Variants in SPON1 observed in about 807,000 individuals in gnomAD.
The protein encoded by SPON1 is spondin-1.
SPON1 carries 52 observed loss-of-function variants against 111.7 expected under a neutral mutation model. That is an observed-to-expected ratio of 0.47 (90% confidence interval 0.37 to 0.59). The LOEUF is 0.59. Ranked by LOEUF, SPON1 falls within the 20% of genes least tolerant of loss-of-function variation. The probability of loss-of-function intolerance (pLI) is 0.00; values close to 1 mark genes in which losing one functional copy is unlikely to be tolerated. For missense variants in SPON1, 957 were observed against 1,068.5 expected, an observed-to-expected ratio of 0.90 and a Z score of 1.46; for synonymous variants, 410 against 395.8, an observed-to-expected ratio of 1.04 and a Z score of -0.43.
intron 1 of SPON1, among the ~76,000 whole-genome samples, 154 bp from the exon 2 acceptor site, chr11:13,982,693 G>GA (rs1848153442): frequency 6.6e-6 from 1 of 152,208 alleles, no homozygotes; most frequent in Admixed American, 6.5e-5. Flanking sequence ...GAGGGTAAGA[G>GA]TTCTCACCTC....
intron 3 of SPON1, among the ~76,000 whole-genome samples, chr11:14,060,105 C>G (rs1400560003): frequency 1.3e-5 from 2 of 152,150 alleles, no homozygotes; most frequent in East Asian, 1.9e-4. Flanking sequence ...CTCTACCCCC[C>G]CAACTACTTT....
intron 2 of SPON1, among the ~76,000 whole-genome samples, chr11:14,008,890 C>T (rs574197497): frequency 2.6e-5 from 4 of 152,310 alleles, no homozygotes; most frequent in African/African-American, 9.6e-5. Flanking sequence ...AATTCCACCC[C>T]CTGGCCAATC....
intron 7 of SPON1, among the ~76,000 whole-genome samples, chr11:14,246,535 G>A (rs797030697): frequency 5.9e-5 from 9 of 152,200 alleles, no homozygotes; most frequent in African/African-American, 2.2e-4. Flanking sequence ...ATATATACCT[G>A]CCAATGAGCC....
intron 6 of SPON1, among the ~76,000 whole-genome samples, chr11:14,172,548 G>T (rs564149033): frequency 6.6e-6 from 1 of 152,028 alleles, no homozygotes; most frequent in Admixed American, 6.6e-5. Flanking sequence ...ATGTTAGCTG[G>T]TTATTTTGCT....
intron 6 of SPON1, among the ~76,000 whole-genome samples, chr11:14,242,683 A>C (rs1554939808): frequency 6.6e-6 from 1 of 152,214 alleles, no homozygotes; most frequent in African/African-American, 2.4e-5. Context: ...TCAAAATGTT[A>C]ATTATCAAAT....
intron 6 of SPON1, among the ~76,000 whole-genome samples, chr11:14,160,729 A>T (rs868955598): frequency 2.5e-4 from 3 of 12,238 alleles, no homozygotes; most frequent in African/African-American, 1.8e-3. Flanking sequence ...TTATATATTT[A>T]TATATATTTA....
chr11:14,034,786 A>G (rs933832540), intron 2 of SPON1, among the ~76,000 whole-genome samples: 11 of 152,196 alleles, frequency 7.2e-5, no homozygotes, highest in South Asian at 2.1e-4. Flanking sequence ...TTCTGTTCCT[A>G]TCAAAGGTCC....
At chr11:14,201,168 A>G (rs1272024749) in intron 6 of SPON1, among the ~76,000 whole-genome samples, 4 of 151,982 alleles carry the variant, frequency 2.6e-5, no homozygotes, top group East Asian at 2.0e-4. Context: ...GTGAAACCCC[A>G]TCTCTACTAA....
rs781783028 is a variant in SPON1 at position 14,002,320 on chromosome 11, C to A, written c.345+19367C>A. Among the ~76,000 whole-genome samples the A allele has an allele frequency of 4.6e-5, 7 of 152,106 alleles. No homozygotes were observed. In the South Asian group the frequency reaches 1.5e-3, roughly 32 times the overall value. Reference sequence around the variant, plus strand: ...AGTCAGAGAATCTGATTCTGTGCACCTAAGGGGGTGAGGAACTGGGGCTGC... The same window carrying A: ...AGTCAGAGAATCTGATTCTGTGCACATAAGGGGGTGAGGAACTGGGGCTGC... On this transcript the variant is annotated intron_variant, in intron 2 of 15. Transcript: ENST00000576479.
chr11:14,224,079 T>C (rs1848711015), intron 6 of SPON1, among the ~76,000 whole-genome samples: 1 of 152,264 alleles, frequency 6.6e-6, no homozygotes, highest in South Asian at 2.1e-4. Flanking sequence ...GAGCTGCTGC[T>C]GATTCATTCA....
At chr11:14,207,220 T>C (rs1848527099) in intron 6 of SPON1, among the ~76,000 whole-genome samples, 1 of 152,186 alleles carries the variant, frequency 6.6e-6, no homozygotes, top group Non-Finnish European at 1.5e-5. Context: ...CATTACACCA[T>C]ATACAAAAAT....
At chr11:14,126,777 C>T (rs1847464854) in intron 5 of SPON1, among the ~76,000 whole-genome samples, 2 of 152,188 alleles carry the variant, frequency 1.3e-5, no homozygotes, top group African/African-American at 2.4e-5. Context: ...AAGCTTTAAC[C>T]TCGTCTCCTT....
chr11:14,039,395 T>C (rs192335929), intron 2 of SPON1, among the ~76,000 whole-genome samples: 1 of 152,142 alleles, frequency 6.6e-6, no homozygotes, highest in African/African-American at 2.4e-5. Context: ...CATTCTGATA[T>C]AGGATGTTGA....
chr11:13,998,672 C>T (rs558307267), intron 2 of SPON1, among the ~76,000 whole-genome samples: 1 of 152,208 alleles, frequency 6.6e-6, no homozygotes, highest in Non-Finnish European at 1.5e-5. Flanking sequence ...CACCCCTGTA[C>T]TCCCCTGGCC....
intron 6 of SPON1, among the ~76,000 whole-genome samples, chr11:14,141,032 GC>G (rs1170837097): frequency 1.2e-4 from 9 of 77,422 alleles, no homozygotes; most frequent in South Asian, 4.2e-4. Flanking sequence ...CCCCCCCCAT[GC>G]CCCACTTCTC....
chr11:14,069,898 A>C (rs116621987), intron 3 of SPON1, among the ~76,000 whole-genome samples: 2,225 of 151,982 alleles, frequency 0.015, 60 homozygotes, highest in African/African-American at 0.051. Context: ...ATAAGTTTTC[A>C]CTTTTCTTCT....
At chr11:14,027,511 GCACAGTGACTGGGA>G (rs1848527655) in intron 2 of SPON1, among the ~76,000 whole-genome samples, 1 of 152,192 alleles carries the variant, frequency 6.6e-6, no homozygotes, top group African/African-American at 2.4e-5. Context: ...TAAACCACCA[GCACAGTGACTGGGA>G]CACAGAAGGA....
chr11:14,082,339 A>G (rs1220161814), intron 5 of SPON1, among the ~76,000 whole-genome samples: 2 of 152,204 alleles, frequency 1.3e-5, no homozygotes, highest in African/African-American at 4.8e-5. Context: ...TGTCTTATAG[A>G]CAATTGTCAG....
At chr11:14,163,605 G>C (rs1032800636) in intron 6 of SPON1, among the ~76,000 whole-genome samples, 4 of 152,102 alleles carry the variant, frequency 2.6e-5, no homozygotes, top group Non-Finnish European at 5.9e-5. Context: ...CACTGACTCT[G>C]AGGATATTTG....
Sources: gnomAD v4.1 joint callset for allele counts (sites outside exome capture counted in the v4.1 genomes callset) on GRCh38, gnomAD v4.1.1 for gene constraint, MANE v1.5 for transcripts, NCBI Gene and HGNC (gene_info 2026-07-23, HGNC 2026-07-21) for gene names.